Variants in CPLANE1 observed in about 807,000 individuals in gnomAD.
CPLANE1 encodes ciliogenesis and planar polarity effector 1.
CPLANE1 carries 263 observed loss-of-function variants against 362.5 expected under a neutral mutation model. That is an observed-to-expected ratio of 0.73 (90% CI 0.66 to 0.80). CPLANE1 has a LOEUF of 0.80. Among genes scored for constraint, CPLANE1 ranks in the 30% least tolerant of loss-of-function variants. The pLI is 0.00. For synonymous variants in CPLANE1, 1,212 were observed against 1,302.6 expected, an observed-to-expected ratio of 0.93 and a Z score of 1.50; for missense variants, 3,461 against 3,793.4, an observed-to-expected ratio of 0.91 and a Z score of 2.30.
chr5:37,171,378 T>C (rs1477270160), intron 32 of CPLANE1, among the ~76,000 whole-genome samples: 1 of 152,186 alleles, frequency 6.6e-6, no homozygotes, highest in Non-Finnish European at 1.5e-5. Flanking sequence ...CTATCCCAAG[T>C]TTCTGATTCA....
intron 27 of CPLANE1, among the ~76,000 whole-genome samples, chr5:37,180,525 C>T (rs1032594649): frequency 6.6e-6 from 1 of 151,912 alleles, no homozygotes; most frequent in Admixed American, 6.6e-5. Flanking sequence ...ATGGGTTTTG[C>T]CTTGGTATTC....
intron 41 of CPLANE1, among the ~76,000 whole-genome samples, chr5:37,154,456 G>GTTTTTTTTTTTTTTTT (rs1457651303): frequency 6.0e-5 from 5 of 83,122 alleles, no homozygotes; most frequent in African/African-American, 2.8e-4. Context: ...ATTTGCAATA[G>GTTTTTTTTTTTTTTTT]TTCTTTTTTT....
the CPLANE1 span, among the ~76,000 whole-genome samples, chr5:37,097,789 T>A: frequency 6.6e-6 from 1 of 151,990 alleles, no homozygotes; most frequent in African/African-American, 2.4e-5. Flanking sequence ...AGAAATAAAG[T>A]CTCTCCCAAA....
Position 37,244,625 on chromosome 5 carries a change from A to G in CPLANE1, c.338-18T>C, listed in dbSNP as rs994375574. On this transcript the variant is annotated intron_variant, in intron 4 of 52. Transcript: ENST00000651892. ...AGAGCTTGCTAAAAAAGTAACAAAA[A>G]AAGTAATTAAGCCTCTGAAGTCTGA... The G allele has an allele frequency of 1.4e-6, 2 of 1,452,280 alleles. No homozygotes were observed. Among genetic ancestry groups the G allele is most frequent in the East Asian group, 2.5e-5 (1 of 40,042 alleles). The allele number at this position is 1,452,280 out of a possible 1,614,324, so 90.0% of individuals were successfully genotyped here.
intron 15 of CPLANE1, among the ~76,000 whole-genome samples, chr5:37,215,739 CTT>C (rs567527656): frequency 4.2e-5 from 4 of 95,194 alleles, no homozygotes; most frequent in South Asian, 8.0e-4. Context: ...CTTCTCTTTC[CTT>C]TTTTTTTTTT....
intron 19 of CPLANE1, among the ~76,000 whole-genome samples, chr5:37,199,096 CAAAAAAAAAAAA>C (rs35945783): frequency 1.1e-4 from 5 of 47,170 alleles, no homozygotes; most frequent in South Asian, 1.0e-3. Flanking sequence ...CACCCTGTCT[CAAAAAAAAAAAA>C]AAAAAAAAAA....
intron 41 of CPLANE1, among the ~76,000 whole-genome samples, chr5:37,155,898 T>C (rs563822490): frequency 1.3e-5 from 2 of 152,300 alleles, no homozygotes; most frequent in South Asian, 4.1e-4. Flanking sequence ...GCCAGGCTCC[T>C]TTCACTTTCC....
chr5:37,125,200 A>G (rs756460667), intron 47 of CPLANE1, 44 bp downstream of exon 47: 4 of 1,541,844 alleles, frequency 2.6e-6, no homozygotes, highest in Non-Finnish European at 3.5e-6. Flanking sequence ...GAAAGTAATT[A>G]CACATATTCT....
At chr5:37,149,418 A>G (rs912691182) in intron 42 of CPLANE1, among the ~76,000 whole-genome samples, 6 of 152,212 alleles carry the variant, frequency 3.9e-5, no homozygotes, top group African/African-American at 1.2e-4. Flanking sequence ...GTTATGACGT[A>G]TTGTTCAGGA....
chr5:37,245,425 T>C, intron 4 of CPLANE1, 54 bp downstream of exon 4: 1 of 1,351,952 alleles, frequency 7.4e-7, no homozygotes, highest in Non-Finnish European at 9.6e-7. Context: ...TGTTTCATCC[T>C]CTTTTCCTAT....
rs550775826 is a variant in CPLANE1, at chr5:37,191,312, C to T, written c.3812-3470G>A. Among the ~76,000 whole-genome samples the T allele has an allele frequency of 7.2e-5, 11 of 152,146 alleles. No individual in the cohort carries two copies. In the South Asian group the frequency reaches 1.9e-3, roughly 26 times the overall value. On this transcript the variant is annotated intron_variant, in intron 21 of 52. Coordinates refer to ENST00000651892, the MANE Select transcript of CPLANE1 (RefSeq NM_001384732.1). ...CTTCGGCAGGCTGAGGCGGGAGGAT[C>T]GATTGAGCCCAGGAGTTTAGACCAG...
intron 44 of CPLANE1, chr5:37,141,796 C>A: frequency 4.1e-6 from 4 of 978,666 alleles, no homozygotes; most frequent in Non-Finnish European, 4.9e-6. Context: ...TTGCTACCTC[C>A]AAATGAAATA....
chr5:37,177,868 T>C (rs995368638), intron 29 of CPLANE1, among the ~76,000 whole-genome samples, 168 bp from the exon 30 acceptor site: 1 of 152,204 alleles, frequency 6.6e-6, no homozygotes. Context: ...TGACCTAATC[T>C]TTATACTGTG....
chr5:37,106,396 G>A lies in CPLANE1; in HGVS notation c.*1206C>T. The stretch of plus-strand genomic sequence containing the variant: ...AGGTGATGAATATCCCAATTACCCT[G>A]ATTTGATTGCTACACATTGTATGCA... On this transcript the variant is annotated 3_prime_UTR_variant, in exon 53 of 53. Coordinates refer to ENST00000651892, the MANE Select transcript of CPLANE1 (RefSeq NM_001384732.1). The A allele has an allele frequency of 5.3e-6, 1 of 187,616 alleles. No individual in the cohort carries two copies. The highest frequency in any genetic ancestry group is 1.0e-5 in the Non-Finnish European group (1 of 100,486). The allele number at this position is 187,616 out of a possible 1,614,324, so 11.6% of individuals were successfully genotyped here. A position where few individuals can be genotyped will look rare whatever the true frequency, so the allele number is the denominator to read the frequency against.
In CPLANE1 at chr5:37,211,435, T is replaced by A. The variant is rs192540020; in HGVS notation, c.2920+2124A>T. ...ACTTCCAGTTCCCCGGAAAGACGTA[T>A]TTTTGCAGAGGACAGAGTTGTCTCT... On this transcript the variant is annotated intron_variant, in intron 16 of 52. Transcript: ENST00000651892. 846 of 1,496,714 alleles carry A rather than the reference T, an allele frequency of 5.7e-4. 4 individuals are homozygous for A. In the Middle Eastern group the frequency reaches 0.01, roughly 18 times the overall value. The allele number at this position is 1,496,714 out of a possible 1,614,324, so 92.7% of individuals were successfully genotyped here. A position where few individuals can be genotyped will look rare whatever the true frequency, so the allele number is the denominator to read the frequency against.
intron 43 of CPLANE1, among the ~76,000 whole-genome samples, chr5:37,143,133 A>G (rs943970221): frequency 6.6e-6 from 1 of 152,256 alleles, no homozygotes; most frequent in African/African-American, 2.4e-5. Context: ...ACCCCAAGTG[A>G]AGAAACGTAT....
chr5:37,162,318 A>C (rs1777050140), intron 38 of CPLANE1, 147 bp downstream of exon 38: 1 of 596,400 alleles, frequency 1.7e-6, no homozygotes, highest in Non-Finnish European at 2.9e-6. Flanking sequence ...TACAGTATAT[A>C]CCAAGACTGG....
intron 21 of CPLANE1, among the ~76,000 whole-genome samples, chr5:37,194,657 C>CA (rs1491250815): frequency 7.4e-6 from 1 of 135,168 alleles, no homozygotes; most frequent in Non-Finnish European, 1.6e-5. Context: ...TAAGAATAAA[C>CA]TTTTTTTTTT....
At chr5:37,178,301 T>C (rs1311315698) in intron 29 of CPLANE1, among the ~76,000 whole-genome samples, 1 of 148,340 alleles carries the variant, frequency 6.7e-6, no homozygotes, top group Non-Finnish European at 1.5e-5. Flanking sequence ...AAAATAAAAA[T>C]AAAAATAAAA....
Sources: allele counts gnomAD v4.1 joint callset (sites outside exome capture counted in the v4.1 genomes callset), GRCh38; gene constraint gnomAD v4.1.1; transcripts MANE v1.5; gene names NCBI Gene and HGNC (gene_info 2026-07-23, HGNC 2026-07-21).